Variants in DCC observed in about 807,000 individuals in gnomAD.
DCC encodes the protein netrin receptor DCC.
In DCC, 58 loss-of-function variants were observed where a neutral mutation model predicts 172.5. That is an observed-to-expected ratio of 0.34 (90% CI 0.27 to 0.42). The LOEUF (loss-of-function observed/expected upper bound fraction) is 0.42. Ranked by LOEUF, DCC falls within the 10% of genes least tolerant of loss-of-function variation. The probability of loss-of-function intolerance (pLI) is 1.00; values close to 1 mark genes in which losing one functional copy is unlikely to be tolerated. For missense variants in DCC, 1,740 were observed against 1,791.0 expected (o/e 0.97, Z 0.51); for synonymous variants, 709 against 644.5 (o/e 1.10, Z -1.52).
chr18:53,492,606 A>G (rs1419830194), intron 26 of DCC, among the ~76,000 whole-genome samples: 1 of 152,176 alleles, frequency 6.6e-6, no homozygotes, highest in Non-Finnish European at 1.5e-5. Flanking sequence ...GTCAAAGATC[A>G]GATGGTTGTA....
chr18:53,211,861 A>G (rs758120881), intron 11 of DCC, among the ~76,000 whole-genome samples: 42 of 152,166 alleles, frequency 2.8e-4, no homozygotes, highest in Non-Finnish European at 4.7e-4. Flanking sequence ...CAGTCTGGCC[A>G]ACATAGTGAA....
chr18:53,347,207 G>A (rs551596447), intron 15 of DCC, among the ~76,000 whole-genome samples: 2 of 152,142 alleles, frequency 1.3e-5, no homozygotes, highest in African/African-American at 2.4e-5. Flanking sequence ...ACAGTACTGG[G>A]GTGCTTTCCA....
At chr18:53,195,052 A>G (rs1209916330) in intron 9 of DCC, among the ~76,000 whole-genome samples, 1 of 152,182 alleles carries the variant, frequency 6.6e-6, no homozygotes, top group Non-Finnish European at 1.5e-5. Context: ...TCCTTATGCT[A>G]GCTCTGCGAT....
chr18:52,646,592 C>G (rs1318254629), intron 1 of DCC, among the ~76,000 whole-genome samples: 1 of 152,166 alleles, frequency 6.6e-6, no homozygotes, highest in African/African-American at 2.4e-5. Flanking sequence ...AATTTGCCAG[C>G]ACTGCTCACA....
chr18:52,721,263 A>G (rs1165266463), intron 1 of DCC, among the ~76,000 whole-genome samples: 2 of 152,224 alleles, frequency 1.3e-5, no homozygotes, highest in Non-Finnish European at 2.9e-5. Context: ...TTACAACTCT[A>G]TACTTGCAAT....
chr18:52,390,948 T>C (rs1412219860), intron 1 of DCC, among the ~76,000 whole-genome samples: 2 of 152,072 alleles, frequency 1.3e-5, no homozygotes, highest in African/African-American at 4.8e-5. Context: ...TCCCCTCCAT[T>C]ACCAAAAGTC....
chr18:53,158,531 A>T (rs1032665785), intron 8 of DCC, among the ~76,000 whole-genome samples: 2 of 152,294 alleles, frequency 1.3e-5, no homozygotes, highest in African/African-American at 4.8e-5. Flanking sequence ...CATTGGATAA[A>T]CCAAAGTGTT....
intron 7 of DCC, among the ~76,000 whole-genome samples, chr18:53,108,722 C>T (rs755663671): frequency 1.3e-4 from 20 of 151,470 alleles, no homozygotes; most frequent in Non-Finnish European, 2.2e-4. Context: ...TTTTTCTGGG[C>T]ATTCTTTTGG....
At chr18:52,558,743 AT>A (rs2032971860) in intron 1 of DCC, among the ~76,000 whole-genome samples, 1 of 152,190 alleles carries the variant, frequency 6.6e-6, no homozygotes. Context: ...TAAATGAAAA[AT>A]GAAAAACAAA....
At chr18:53,360,231 A>G (rs2057930705) in intron 15 of DCC, among the ~76,000 whole-genome samples, 1 of 152,128 alleles carries the variant, frequency 6.6e-6, no homozygotes. Context: ...TATCTTATAT[A>G]TACTAGTCAT....
At chr18:53,484,281 A>G (rs1179343633) in intron 25 of DCC, among the ~76,000 whole-genome samples, 1 of 151,888 alleles carries the variant, frequency 6.6e-6, no homozygotes, top group Non-Finnish European at 1.5e-5. Context: ...GAGGTTCACA[A>G]TAAAAAGCTG....
chr18:52,959,010 T>C (rs2040795185), intron 5 of DCC, among the ~76,000 whole-genome samples: 1 of 152,092 alleles, frequency 6.6e-6, no homozygotes, highest in African/African-American at 2.4e-5. Flanking sequence ...CAGCTATCAT[T>C]AGTGTTAGTG....
chr18:52,607,287 T>C (rs1393496808), intron 1 of DCC, among the ~76,000 whole-genome samples: 1 of 152,066 alleles, frequency 6.6e-6, no homozygotes, highest in Non-Finnish European at 1.5e-5. Flanking sequence ...TTAATCAGGA[T>C]TTTTCACTTA....
At chr18:52,478,141 C>T (rs1989148215) in intron 1 of DCC, among the ~76,000 whole-genome samples, 2 of 152,082 alleles carry the variant, frequency 1.3e-5, no homozygotes, top group Admixed American at 6.5e-5. Flanking sequence ...GGGTTACAAT[C>T]CTACATTTTA....
intron 7 of DCC, among the ~76,000 whole-genome samples, chr18:53,138,877 TACA>T (rs1374891859): frequency 6.6e-6 from 1 of 152,194 alleles, no homozygotes; most frequent in Non-Finnish European, 1.5e-5. Flanking sequence ...ATGACAATTA[TACA>T]ATACTTAGCA....
intron 5 of DCC, among the ~76,000 whole-genome samples, chr18:52,930,519 C>T (rs948341333): frequency 6.6e-6 from 1 of 152,252 alleles, no homozygotes; most frequent in South Asian, 2.1e-4. Flanking sequence ...CCCAGAAATA[C>T]TTAAACCCTC....
In DCC at chr18:53,520,586, A is replaced by G. The variant is rs190525921; in HGVS notation, c.4112-6031A>G. 1.6e-3 allele frequency among the ~76,000 whole-genome samples: 248 copies of G among 152,166 alleles called. 2 individuals carry two copies. The highest frequency in any genetic ancestry group is 5.8e-3 in the African/African-American group (241 of 41,542). ...CTTGGTGAGCTACAAGCACTTAAGG[A>G]AAAAGCACTGCTTGGTGAGCTTGTA... On this transcript the variant is annotated intron_variant, in intron 27 of 28. Coordinates refer to ENST00000442544, the MANE Select transcript of DCC (RefSeq NM_005215.4).
At chr18:53,369,728 G>A (rs560556528) in intron 15 of DCC, among the ~76,000 whole-genome samples, 6 of 151,898 alleles carry the variant, frequency 4.0e-5, no homozygotes, top group South Asian at 4.1e-4. Flanking sequence ...AATTGATGAC[G>A]TGGTGGTTTT....
intron 5 of DCC, among the ~76,000 whole-genome samples, chr18:52,974,140 A>C (rs550651342): frequency 2.6e-5 from 4 of 152,212 alleles, no homozygotes; most frequent in South Asian, 2.1e-4. Context: ...ATGATAAAGC[A>C]AGAAATGTAG....
Sources: gnomAD v4.1 joint callset for allele counts (sites outside exome capture counted in the v4.1 genomes callset) on GRCh38, gnomAD v4.1.1 for gene constraint, MANE v1.5 for transcripts, NCBI Gene and HGNC (gene_info 2026-07-23, HGNC 2026-07-21) for gene names.